Variants in PLPPR1 observed in about 807,000 individuals in gnomAD.
PLPPR1 encodes the protein phospholipid phosphatase related 1, also known as phospholipid phosphatase-related protein type 1.
Under a neutral mutation model 33.1 loss-of-function variants are expected in PLPPR1, and 10 were observed. The observed-to-expected ratio is 0.30, with a 90% CI of 0.19 to 0.51. PLPPR1 has a LOEUF of 0.51. Among genes scored for constraint, PLPPR1 ranks in the 20% least tolerant of loss-of-function variants. The pLI, the probability that PLPPR1 is intolerant of heterozygous loss-of-function variation, is 0.97. For synonymous variants in PLPPR1, 151 were observed against 151.0 expected (o/e 1.00, Z 0.00); for missense variants, 304 against 408.1 (o/e 0.74, Z 2.20).
chr9:101,158,904 G>A (rs1831735879), intron 1 of PLPPR1, among the ~76,000 whole-genome samples: 1 of 152,182 alleles, frequency 6.6e-6, no homozygotes, highest in South Asian at 2.1e-4. Context: ...CCTAAGTTTG[G>A]AGGACTGGCT....
intron 2 of PLPPR1, among the ~76,000 whole-genome samples, chr9:101,228,505 T>C (rs1273558706): frequency 6.6e-6 from 1 of 152,048 alleles, no homozygotes; most frequent in Non-Finnish European, 1.5e-5. Flanking sequence ...TAAAAAATTT[T>C]TAAAGACATT....
At chr9:101,284,508 T>C (rs1828356172) in intron 3 of PLPPR1, among the ~76,000 whole-genome samples, 1 of 150,418 alleles carries the variant, frequency 6.6e-6, no homozygotes, top group African/African-American at 2.4e-5. Flanking sequence ...GAACATTAAG[T>C]GTTTGTACCA....
rs1394392327 is a variant in PLPPR1 at position 101,080,026 on chromosome 9, A to G, written c.-46+50924A>G. On this transcript the variant is annotated intron_variant, in intron 1 of 7. Coordinates refer to ENST00000374874, the MANE Select transcript of PLPPR1 (RefSeq NM_207299.2). ...TCTATTTTACCCATTACACTGGGCC[A>G]TTAGGCTAGTCAGAGCTTTAAATCT... Among the ~76,000 whole-genome samples, 27 of 152,214 alleles carry G rather than the reference A, an allele frequency of 1.8e-4. 1 individual carries two copies. Among genetic ancestry groups the G allele is most frequent in the Admixed American group, 1.8e-3 (27 of 15,274 alleles).
chr9:101,323,751 A>G (rs1424043497), intron 7 of PLPPR1, among the ~76,000 whole-genome samples: 1 of 151,986 alleles, frequency 6.6e-6, no homozygotes, highest in Non-Finnish European at 1.5e-5. Context: ...AGGCAGGAGA[A>G]TTGCTTGAAC....
intron 1 of PLPPR1, among the ~76,000 whole-genome samples, chr9:101,091,532 A>G (rs1038791435): frequency 1.3e-5 from 2 of 151,986 alleles, no homozygotes; most frequent in African/African-American, 2.4e-5. Flanking sequence ...TACACTGCCA[A>G]TTCCTCTGGC....
In PLPPR1 at chr9:101,071,118, A is replaced by G. The variant is rs745488366; in HGVS notation, c.-46+42016A>G. Among the ~76,000 whole-genome samples the G allele has an allele frequency of 3.3e-5, 5 of 152,222 alleles. No homozygotes were observed. In the East Asian group the frequency reaches 7.8e-4, roughly 24 times the overall value. On this transcript the variant is annotated intron_variant, in intron 1 of 7. Coordinates refer to ENST00000374874, the MANE Select transcript of PLPPR1 (RefSeq NM_207299.2). Reference sequence around the variant, plus strand: ...CCGAGGGCTGCACTAAACGCAGGGTAAGGCCAGTTTGGTGACAATGTCAGC... The same window carrying G: ...CCGAGGGCTGCACTAAACGCAGGGTGAGGCCAGTTTGGTGACAATGTCAGC...
intron 2 of PLPPR1, among the ~76,000 whole-genome samples, chr9:101,194,144 G>C (rs1354158011): frequency 6.6e-6 from 1 of 152,130 alleles, no homozygotes; most frequent in East Asian, 1.9e-4. Flanking sequence ...TAACTGTTAA[G>C]TAACATTCTT....
At chr9:101,318,390 T>C (rs1304032377) in intron 7 of PLPPR1, among the ~76,000 whole-genome samples, 1 of 152,192 alleles carries the variant, frequency 6.6e-6, no homozygotes. Context: ...CCAGGACAAT[T>C]GCTAGGAGCT....
chr9:101,114,131 G>C (rs1831091702), intron 1 of PLPPR1, among the ~76,000 whole-genome samples: 1 of 152,178 alleles, frequency 6.6e-6, no homozygotes, highest in Non-Finnish European at 1.5e-5. Context: ...AGGCCAATCT[G>C]AGGCTAAAAA....
rs545543550 is a variant in PLPPR1, at chr9:101,267,479, G to A, written c.64-2401G>A. Among the ~76,000 whole-genome samples the A allele has an allele frequency of 8.5e-5, 13 of 152,292 alleles. No homozygotes were observed. The East Asian group carries it at 2.1e-3, about 25-fold the overall frequency. The stretch of plus-strand genomic sequence containing the variant: ...CAACTCCAAGCATGGAAAAACACAT[G>A]GAAGTGTCCAGAGATTACTGGACAG... On this transcript the variant is annotated intron_variant, in intron 2 of 7. Coordinates refer to ENST00000374874, the MANE Select transcript of PLPPR1 (RefSeq NM_207299.2).
intron 1 of PLPPR1, among the ~76,000 whole-genome samples, chr9:101,173,935 G>A (rs57687104): frequency 9.9e-4 from 151 of 152,164 alleles, no homozygotes; most frequent in African/African-American, 3.4e-3. Flanking sequence ...AAGATCAACA[G>A]TGACAGAGTT....
At chr9:101,095,510 A>T (rs1396056612) in intron 1 of PLPPR1, among the ~76,000 whole-genome samples, 1 of 152,140 alleles carries the variant, frequency 6.6e-6, no homozygotes, top group Non-Finnish European at 1.5e-5. Context: ...AGAAAGCATA[A>T]TTTTTGCCTT....
intron 1 of PLPPR1, among the ~76,000 whole-genome samples, chr9:101,115,047 CTT>C (rs1344503230): frequency 3.3e-5 from 5 of 152,182 alleles, no homozygotes; most frequent in African/African-American, 1.2e-4. Context: ...CTCCAGGTAA[CTT>C]CAGCATGACA....
intron 1 of PLPPR1, chr9:101,185,161 G>C (rs1461419312): frequency 4.1e-6 from 1 of 244,784 alleles, no homozygotes; most frequent in Non-Finnish European, 7.7e-6. Flanking sequence ...ACTGGGGTAA[G>C]GCACTATGCA....
chr9:101,048,844 T>TG (rs1337727485), intron 1 of PLPPR1, among the ~76,000 whole-genome samples: 2 of 152,184 alleles, frequency 1.3e-5, no homozygotes, highest in Non-Finnish European at 2.9e-5. Context: ...AAGGGTAGCA[T>TG]GCCATATGGC....
chr9:101,233,711 T>C (rs1827237894), intron 2 of PLPPR1, among the ~76,000 whole-genome samples: 1 of 151,920 alleles, frequency 6.6e-6, no homozygotes, highest in Non-Finnish European at 1.5e-5. Context: ...TCCTTGATAT[T>C]GGACTTCTCA....
intron 1 of PLPPR1, among the ~76,000 whole-genome samples, chr9:101,122,376 C>T (rs577385741): frequency 2.0e-5 from 3 of 152,274 alleles, no homozygotes; most frequent in African/African-American, 7.2e-5. Flanking sequence ...CAGTTAATTG[C>T]ACTTGCTGTG....
intron 2 of PLPPR1, among the ~76,000 whole-genome samples, chr9:101,259,072 C>T (rs1473411997): frequency 6.6e-6 from 1 of 152,070 alleles, no homozygotes; most frequent in Non-Finnish European, 1.5e-5. Flanking sequence ...AGTTGTAAAT[C>T]TACTTAGTAA....
intron 3 of PLPPR1, among the ~76,000 whole-genome samples, chr9:101,275,859 C>T (rs1292101633): frequency 3.3e-5 from 5 of 152,078 alleles, no homozygotes; most frequent in Admixed American, 6.6e-5. Context: ...TGCAAGTGTG[C>T]GCGCATGCAT....
Sources: gnomAD v4.1 joint callset for allele counts (sites outside exome capture counted in the v4.1 genomes callset) on GRCh38, gnomAD v4.1.1 for gene constraint, MANE v1.5 for transcripts, NCBI Gene and HGNC (gene_info 2026-07-23, HGNC 2026-07-21) for gene names.